STARD9: variants seen among roughly 807,000 people sequenced by gnomAD.
STARD9 encodes the protein stAR-related lipid transfer protein 9.
A neutral mutation model predicts 399.8 loss-of-function variants in STARD9; 346 were observed. The observed-to-expected ratio is 0.87, with a 90% CI of 0.79 to 0.95. STARD9 has a LOEUF of 0.95. Ranked by LOEUF, STARD9 falls within the 40% of genes least tolerant of loss-of-function variation. The pLI is 0.00. For missense variants in STARD9, 5,832 were observed against 5,667.5 expected (o/e 1.03, Z -0.93); for synonymous variants, 2,203 against 2,143.5 (o/e 1.03, Z -0.77).
chr15:42,718,639 G>A, intron 31 of STARD9, 113 bp from the exon 32 acceptor site: 1 of 1,429,442 alleles, frequency 7.0e-7, no homozygotes, highest in South Asian at 1.2e-5. Context: ...GCCAGGGTAG[G>A]GGTGGCTTGA....
chr15:42,667,993 C>G (rs2060135827), intron 15 of STARD9, among the ~76,000 whole-genome samples: 1 of 152,210 alleles, frequency 6.6e-6, no homozygotes, highest in African/African-American at 2.4e-5. Flanking sequence ...TCCCTCTATA[C>G]TAAGAGATGA....
At chr15:42,717,939 AC>A (rs2061380095) in intron 29 of STARD9, 37 bp from the exon 30 acceptor site, 3 of 1,529,704 alleles carry the variant, frequency 2.0e-6, no homozygotes, top group South Asian at 1.2e-5. Flanking sequence ...CCCATTTTTG[AC>A]CCCTTTCTAT....
rs2060817989 is a variant in STARD9 at position 42,695,274 on chromosome 15, A to G, written c.13097A>G (p.Glu4366Gly). ...RARDQLRERT[E>G]QEKLRIHQKI... is the part of the protein sequence containing the mutation. ...CGAGACCAACTGCGGGAGCGGACTG[A>G]ACAAGAGAAGCTGAGAATCCACCAG... Residue 4366 changes from glutamate (E) to glycine (G), a missense_variant, in exon 25 of 33, where the codon GAA becomes GGA. By Grantham distance (98) the Glu-to-Gly change is moderately conservative (BLOSUM62 -2). This residue lies in a region of STARD9 where 5,828 missense variants were observed against 5,651.1 expected (regional missense o/e 1.03). Transcript: ENST00000290607. 6.5e-7 allele frequency: 1 copy of G among 1,536,976 alleles called. No homozygotes were observed. Among genetic ancestry groups the G allele is most frequent in the Non-Finnish European group, 8.7e-7 (1 of 1,146,802 alleles).
rs1443496363 is a variant in STARD9 at position 42,688,871 on chromosome 15, G to A, written c.7293G>A (p.Gly2431=). 1 of 1,536,758 alleles carries A rather than the reference G, an allele frequency of 6.5e-7. No individual in the cohort carries two copies. The highest frequency in any genetic ancestry group is 8.7e-7 in the Non-Finnish European group (1 of 1,146,532). ...QSGVPESIPL[G]TEDRISASTS... is the part of the protein sequence containing the mutation. ...GTGTACCAGAGAGCATTCCTCTGGGGACAGAGGACAGGATCTCAGCAAGCA... is the reference window on the plus strand; with the variant it reads ...GTGTACCAGAGAGCATTCCTCTGGGAACAGAGGACAGGATCTCAGCAAGCA... The change falls in exon 23 of 33, where the codon GGG becomes GGA. Residue 2431 remains glycine (G), a synonymous_variant. Coordinates refer to ENST00000290607, the MANE Select transcript of STARD9 (RefSeq NM_020759.3).
At position 42,684,504 on chromosome 15, in the gene STARD9, G is replaced by T; in HGVS notation, c.2926G>T (p.Gly976Trp). The T allele has an allele frequency of 1.3e-6, 2 of 1,537,178 alleles. No homozygotes were observed. Among genetic ancestry groups the T allele is most frequent in the Non-Finnish European group, 1.7e-6 (2 of 1,146,858 alleles). Residue 976 changes from glycine (G) to tryptophan (W), a missense_variant, in exon 23 of 33, where the codon GGG becomes TGG. Coordinates refer to ENST00000290607, the MANE Select transcript of STARD9 (RefSeq NM_020759.3). The part of the protein sequence containing the change: ...KIFTSTTQTR[G>W]AKGLADPSHT... ...CTTCACCTCTACTACCCAGACCAGA[G>T]GGGCGAAGGGACTAGCAGACCCTAG...
Position 42,669,206 on chromosome 15 carries a change from G to A in STARD9, c.1366G>A (p.Ala456Thr). The A allele has an allele frequency of 2.6e-6, 4 of 1,536,416 alleles. No homozygotes were observed. The highest frequency in any genetic ancestry group is 2.6e-6 in the Non-Finnish European group (3 of 1,146,250). Residue 456 changes from alanine to threonine, a missense_variant, in exon 16 of 33, where the codon GCC becomes ACC. Ala to Thr is a moderately conservative substitution (Grantham distance 58, BLOSUM62 0). Coordinates refer to ENST00000290607, the MANE Select transcript of STARD9 (RefSeq NM_020759.3). ...DWTQKWNDWQALMEHYSVDIN... is the reference protein window; with the variant it reads ...DWTQKWNDWQTLMEHYSVDIN... ...GACCCAGAAGTGGAATGATTGGCAGGCCCTCATGGAGCATTACAGTGTGGA... is the reference window on the plus strand; with the variant it reads ...GACCCAGAAGTGGAATGATTGGCAGACCCTCATGGAGCATTACAGTGTGGA...
intron 26 of STARD9, among the ~76,000 whole-genome samples, chr15:42,710,851 A>G (rs183577503): frequency 1.6e-3 from 223 of 139,938 alleles, no homozygotes; most frequent in African/African-American, 5.8e-3. Context: ...TCCCATTTCT[A>G]TCTCTGTCTT....
rs1021792563 is a variant in STARD9 at position 42,641,370 on chromosome 15, T to A, written c.559+2558T>A. Among the ~76,000 whole-genome samples the A allele has an allele frequency of 4.6e-5, 7 of 152,266 alleles. No homozygotes were observed. In the South Asian group the frequency reaches 6.2e-4, roughly 14 times the overall value. On this transcript the variant is annotated intron_variant, in intron 7 of 32. Transcript: ENST00000290607. ...CAGGTGGACATTTCGTTGTTTTGTTTTTTTTTAAATTATACTTTAAGTACT... is the reference window on the plus strand; with the variant it reads ...CAGGTGGACATTTCGTTGTTTTGTTATTTTTTAAATTATACTTTAAGTACT...
At chr15:42,709,926 T>A (rs756382634) in intron 26 of STARD9, among the ~76,000 whole-genome samples, 1 of 152,206 alleles carries the variant, frequency 6.6e-6, no homozygotes, top group Non-Finnish European at 1.5e-5. Context: ...TTTTTTCAGT[T>A]TGGAATCATA....
At chr15:42,626,168 C>T (rs570528702) in intron 3 of STARD9, among the ~76,000 whole-genome samples, 2 of 152,300 alleles carry the variant, frequency 1.3e-5, no homozygotes, top group Non-Finnish European at 2.9e-5. Context: ...AGGTGATCTG[C>T]CTGCCTCGGC....
rs1595819568 is a variant in STARD9, at chr15:42,708,972, A to G, written c.13285-7705A>G. The stretch of plus-strand genomic sequence containing the variant: ...ATAGTATAAGTATGTCTCATGCAAT[A>G]CCTTATTCTCGGTGCATTGTATCAG... On this transcript the variant is annotated intron_variant, in intron 26 of 32. Coordinates refer to ENST00000290607, the MANE Select transcript of STARD9 (RefSeq NM_020759.3). Among the ~76,000 whole-genome samples, 5 of 151,956 alleles carry G rather than the reference A, an allele frequency of 3.3e-5. No individual in the cohort carries two copies. In the South Asian group the frequency reaches 1.0e-3, roughly 32 times the overall value.
intron 3 of STARD9, among the ~76,000 whole-genome samples, chr15:42,600,671 A>G (rs2058603583): frequency 6.6e-6 from 1 of 151,504 alleles, no homozygotes; most frequent in South Asian, 2.1e-4. Flanking sequence ...GATTATAGGC[A>G]TGCACCACCA....
intron 1 of STARD9, 135 bp from the exon 2 acceptor site, chr15:42,583,211 G>C (rs1459834734): frequency 4.8e-6 from 3 of 627,242 alleles, no homozygotes; most frequent in Non-Finnish European, 8.1e-6. Flanking sequence ...GACGCTTATA[G>C]CCATTTATGG....
chr15:42,582,902 A>G (rs1240704226), intron 1 of STARD9, among the ~76,000 whole-genome samples: 2 of 152,156 alleles, frequency 1.3e-5, no homozygotes, highest in Non-Finnish European at 2.9e-5. Context: ...TATAATTCAG[A>G]GCCTAGGCTT....
Position 42,692,847 on chromosome 15 carries a change from G to A in STARD9, c.11269G>A (p.Ala3757Thr). 1.3e-6 allele frequency: 2 copies of A among 1,537,254 alleles called. No homozygotes were observed. Among genetic ancestry groups the A allele is most frequent in the African/African-American group, 2.7e-5 (2 of 73,158 alleles). The change falls in exon 23 of 33, where the codon GCC becomes ACC. Residue 3757 changes from alanine (A) to threonine (T), a missense_variant. Physicochemically the swap from Ala to Thr is moderately conservative, Grantham distance 58. Transcript: ENST00000290607. ...GACTTCAGAGGCTGAACCTCAGGGA[G>A]CCAATGTGATCCTTGAAGGGCTAGG... ...LQTSEAEPQGANVILEGLGSD... is the reference protein window; with the variant it reads ...LQTSEAEPQGTNVILEGLGSD...
At chr15:42,609,986 G>A (rs56278073) in intron 3 of STARD9, among the ~76,000 whole-genome samples, 13 of 151,982 alleles carry the variant, frequency 8.6e-5, no homozygotes, top group East Asian at 1.9e-4. Context: ...CCAGCTACTC[G>A]CGAGGCTGAG....
intron 1 of STARD9, among the ~76,000 whole-genome samples, chr15:42,576,904 A>G (rs766840699): frequency 6.6e-6 from 1 of 152,200 alleles, no homozygotes; most frequent in Non-Finnish European, 1.5e-5. Context: ...CACTGAAGAA[A>G]GAGGGAAAGC....
chr15:42,627,488 A>G (rs1278277096), intron 3 of STARD9, among the ~76,000 whole-genome samples: 1 of 152,194 alleles, frequency 6.6e-6, no homozygotes, highest in East Asian at 1.9e-4. Flanking sequence ...GAAATGTACA[A>G]TAAATTTTTG....
intron 16 of STARD9, chr15:42,670,916 T>A (rs1245813434): frequency 6.6e-6 from 1 of 151,874 alleles, no homozygotes; most frequent in African/African-American, 2.4e-5. Context: ...CAGAGAGAGG[T>A]TGGAGGTCAG....
Sources: gnomAD v4.1 joint callset for allele counts (sites outside exome capture counted in the v4.1 genomes callset) on GRCh38, gnomAD v4.1.1 for gene constraint, gnomAD v4.1.1 regional missense constraint, MANE v1.5 for transcripts, NCBI Gene and HGNC (gene_info 2026-07-23, HGNC 2026-07-21) for gene names.